The following AK8 variants were observed in gnomAD, a reference collection of about 807,000 sequenced individuals.
AK8 encodes the protein adenylate kinase 8, also known as ATP-AMP transphosphorylase 8.
Under a neutral mutation model 54.6 loss-of-function variants are expected in AK8, and 44 were observed. The ratio of observed to expected loss-of-function variants is 0.81; its 90% confidence interval spans 0.63 to 1.04. The LOEUF is 1.04. AK8 is among the 50% of genes least tolerant of loss of function. The probability of loss-of-function intolerance (pLI) is 0.00; values close to 1 mark genes in which losing one functional copy is unlikely to be tolerated. For synonymous variants in AK8, 239 were observed against 245.6 expected (o/e 0.97, Z 0.25); for missense variants, 555 against 613.6 (o/e 0.90, Z 1.01).
At chr9:132,750,599 T>C (rs1397826282) in intron 11 of AK8, among the ~76,000 whole-genome samples, 1 of 151,864 alleles carries the variant, frequency 6.6e-6, no homozygotes, top group Non-Finnish European at 1.5e-5. Context: ...AATTTCTAAA[T>C]AGGATTGGAA....
chr9:132,869,491 G>A (rs914131745), intron 2 of AK8, among the ~76,000 whole-genome samples: 2 of 152,224 alleles, frequency 1.3e-5, no homozygotes, highest in Non-Finnish European at 2.9e-5. Context: ...CTGTGACTCC[G>A]ACTCTGGACT....
chr9:132,868,531 C>T (rs562426538), intron 2 of AK8, among the ~76,000 whole-genome samples: 9 of 152,326 alleles, frequency 5.9e-5, no homozygotes, highest in Non-Finnish European at 1.2e-4. Context: ...TCTCCCTCCC[C>T]GAGATCCTTG....
At chr9:132,738,471 C>T (rs1032560859) in intron 11 of AK8, among the ~76,000 whole-genome samples, 5 of 152,142 alleles carry the variant, frequency 3.3e-5, no homozygotes, top group South Asian at 2.1e-4. Flanking sequence ...TTCTGTTGAT[C>T]GGTACAATTT....
At chr9:132,765,359 T>C (rs1838684245) in intron 11 of AK8, among the ~76,000 whole-genome samples, 2 of 148,114 alleles carry the variant, frequency 1.4e-5, no homozygotes, top group South Asian at 2.1e-4. Flanking sequence ...GATGCAAAGA[T>C]GGTTCGATAT....
chr9:132,866,640 C>A (rs1287714062), intron 3 of AK8, among the ~76,000 whole-genome samples: 1 of 152,142 alleles, frequency 6.6e-6, no homozygotes, highest in African/African-American at 2.4e-5. Context: ...AGCGTGTATG[C>A]AGGCCAGAAA....
intron 9 of AK8, among the ~76,000 whole-genome samples, chr9:132,818,568 CAA>C (rs1470152011): frequency 1.3e-5 from 2 of 151,662 alleles, no homozygotes; most frequent in Non-Finnish European, 2.9e-5. Flanking sequence ...CAAAATAAAG[CAA>C]AGAGATATGG....
intron 11 of AK8, among the ~76,000 whole-genome samples, chr9:132,754,745 T>C (rs1397493388): frequency 6.6e-6 from 1 of 151,768 alleles, no homozygotes; most frequent in Admixed American, 6.6e-5. Flanking sequence ...TTTCTCCAAC[T>C]ACTTAAAGAA....
chr9:132,846,241 C>A (rs1490676750), intron 5 of AK8, among the ~76,000 whole-genome samples: 1 of 152,202 alleles, frequency 6.6e-6, no homozygotes, highest in African/African-American at 2.4e-5. Context: ...ATCCAGACAC[C>A]CACCCTGGGC....
intron 9 of AK8, among the ~76,000 whole-genome samples, chr9:132,815,138 C>T (rs546663992): frequency 2.9e-4 from 44 of 152,328 alleles, no homozygotes; most frequent in African/African-American, 1.0e-3. Flanking sequence ...GCCTCAAGTG[C>T]GTCCACATTT....
chr9:132,853,398 AAAAAC>A (rs1309300847), intron 5 of AK8, among the ~76,000 whole-genome samples: 1 of 151,772 alleles, frequency 6.6e-6, no homozygotes, highest in Non-Finnish European at 1.5e-5. Context: ...AAAGAAAACT[AAAAAC>A]AAAGAAAAAA....
chr9:132,787,365 G>GCTT (rs1353221606), intron 11 of AK8, among the ~76,000 whole-genome samples: 2 of 152,074 alleles, frequency 1.3e-5, no homozygotes, highest in Non-Finnish European at 2.9e-5. Context: ...ACAAAAGGAA[G>GCTT]AGCCTACAAA....
At chr9:132,844,724 C>T (rs922824918) in intron 5 of AK8, among the ~76,000 whole-genome samples, 2 of 152,260 alleles carry the variant, frequency 1.3e-5, no homozygotes, top group Admixed American at 6.5e-5. Context: ...TGGACATGAT[C>T]AGAATCACAG....
At chr9:132,821,708 T>A (rs1233568651) in intron 9 of AK8, among the ~76,000 whole-genome samples, 3 of 150,136 alleles carry the variant, frequency 2.0e-5, no homozygotes, top group Non-Finnish European at 4.4e-5. Flanking sequence ...TATATACACG[T>A]ACATTTGTAT....
In AK8 at chr9:132,860,357, T is replaced by C. The variant is rs928160232; in HGVS notation, c.333+3308A>G. Among the ~76,000 whole-genome samples, 1 of 152,152 alleles carries C rather than the reference T, an allele frequency of 6.6e-6. No homozygotes were observed. Among genetic ancestry groups the C allele is most frequent in the Non-Finnish European group, 1.5e-5 (1 of 68,026 alleles). ...GTTTACTGAAAAAGGGCCCTTATCT[T>C]TGGGTTGCGGAAATAAATGAAGACC... On this transcript the variant is annotated intron_variant, in intron 4 of 12. Coordinates refer to ENST00000298545, the MANE Select transcript of AK8 (RefSeq NM_152572.3). The surrounding 1 kb of genome is among the most constrained non-coding windows in gnomAD (Gnocchi z 4.4).
intron 11 of AK8, 143 bp downstream of exon 11, chr9:132,792,491 T>C: frequency 1.7e-6 from 2 of 1,208,874 alleles, no homozygotes; most frequent in Non-Finnish European, 2.2e-6. Flanking sequence ...GCAGATGGGA[T>C]GGGTGGGAAT....
At chr9:132,868,547 A>T (rs944285013) in intron 2 of AK8, among the ~76,000 whole-genome samples, 4 of 151,514 alleles carry the variant, frequency 2.6e-5, no homozygotes, top group African/African-American at 9.7e-5. Flanking sequence ...CCTTGTTCTC[A>T]CTCCCTGTGG....
chr9:132,750,697 T>A (rs1465268563), intron 11 of AK8, among the ~76,000 whole-genome samples: 3 of 151,846 alleles, frequency 2.0e-5, no homozygotes, highest in African/African-American at 7.2e-5. Flanking sequence ...GGGCGCGAGC[T>A]CCCCCATGAG....
intron 11 of AK8, among the ~76,000 whole-genome samples, chr9:132,749,292 T>C (rs537863467): frequency 1.3e-5 from 2 of 152,066 alleles, no homozygotes; most frequent in South Asian, 2.1e-4. Flanking sequence ...GGGAACTGGG[T>C]CTCAGGGAAG....
rs938077150 is a variant in AK8 at position 132,791,654 on chromosome 9, G to A, written c.1121+980C>T. On this transcript the variant is annotated intron_variant, in intron 11 of 12. Transcript: ENST00000298545. The surrounding 1 kb of genome is among the most constrained non-coding windows in gnomAD (Gnocchi z 4.0). ...ACTGCAGAAATAGACACTCAGAAAA[G>A]AGAAAGTTCAGAAACAGGCCCAGTA... 7.9e-5 allele frequency among the ~76,000 whole-genome samples: 12 copies of A among 152,176 alleles called. No individual in the cohort carries two copies. The highest frequency in any genetic ancestry group is 7.3e-5 in the Non-Finnish European group (5 of 68,032).
Sources: gnomAD v4.1 joint callset for allele counts (sites outside exome capture counted in the v4.1 genomes callset) on GRCh38, gnomAD v4.1.1 for gene constraint, Gnocchi (gnomAD v3.1) non-coding constraint, MANE v1.5 for transcripts, NCBI Gene and HGNC (gene_info 2026-07-23, HGNC 2026-07-21) for gene names.